Variants in PDXDC1 observed in about 807,000 individuals in gnomAD.
The protein encoded by PDXDC1 is pyridoxal dependent decarboxylase domain containing 1.
PDXDC1 carries 42 observed loss-of-function variants against 100.1 expected under a neutral mutation model. That is an observed-to-expected ratio of 0.42 (90% confidence interval 0.33 to 0.54). The LOEUF is 0.54. PDXDC1 is among the 20% of genes least tolerant of loss of function. PDXDC1 has a pLI of 0.10. For missense variants in PDXDC1, 636 were observed against 979.2 expected, an observed-to-expected ratio of 0.65 and a Z score of 4.68; for synonymous variants, 260 against 371.7, an observed-to-expected ratio of 0.70 and a Z score of 3.46.
intron 1 of PDXDC1, among the ~76,000 whole-genome samples, chr16:14,985,092 T>C (rs1439547829): frequency 3.3e-5 from 5 of 152,178 alleles, no homozygotes; most frequent in Admixed American, 2.6e-4. Flanking sequence ...TTGGCCAGGC[T>C]GGTCTCGAAC....
In PDXDC1 at chr16:15,111,174, G is replaced by A. The variant is rs145448693; in HGVS notation, c.1400-27705G>A. 6.9e-3 allele frequency among the ~76,000 whole-genome samples: 1,031 copies of A among 148,734 alleles called. 56 individuals carry two copies. Among genetic ancestry groups the A allele is most frequent in the Middle Eastern group, 7.0e-3 (2 of 286 alleles). On this transcript the variant is annotated intron_variant, in intron 16 of 16. Transcript: ENST00000535621. ...CACACACAAAACACACAAGAATGACGAGGCTGGCATGTTGGCTCACTCCCG... is the reference window on the plus strand; with the variant it reads ...CACACACAAAACACACAAGAATGACAAGGCTGGCATGTTGGCTCACTCCCG...
intron 16 of PDXDC1, among the ~76,000 whole-genome samples, chr16:15,122,860 G>GA: frequency 7.6e-6 from 1 of 132,168 alleles, no homozygotes; most frequent in Non-Finnish European, 1.6e-5. Context: ...AGGGGAAGGG[G>GA]GGAGTAAGGG....
intron 5 of PDXDC1, 126 bp downstream of exon 5, chr16:15,004,459 C>G: frequency 8.9e-7 from 1 of 1,122,856 alleles, no homozygotes; most frequent in African/African-American, 1.6e-5. Flanking sequence ...TTTAACCTCT[C>G]AATGCCTGTT....
At chr16:15,035,949 A>G in intron 22 of PDXDC1, 67 bp from the exon 23 acceptor site, 1 of 1,473,354 alleles carries the variant, frequency 6.8e-7, no homozygotes, top group Non-Finnish European at 9.2e-7. Context: ...TATCTGTTGC[A>G]GAGACAGCCT....
intron 16 of PDXDC1, among the ~76,000 whole-genome samples, chr16:15,066,928 T>A (rs1221762905): frequency 6.6e-6 from 1 of 151,978 alleles, no homozygotes; most frequent in African/African-American, 2.4e-5. Flanking sequence ...CGAGAGCCCC[T>A]GGACCAGATG....
In PDXDC1 at chr16:15,130,718, G is replaced by A. The variant is rs748782481; in HGVS notation, c.1400-8161G>A. 1.1e-5 allele frequency: 17 copies of A among 1,503,532 alleles called. No homozygotes were observed. The Admixed American group carries it at 2.0e-4, about 18-fold the overall frequency. The allele number at this position is 1,503,532 out of a possible 1,614,324, so 93.1% of individuals were successfully genotyped here. ...GGATCCTCCTGCTAGCCGAGCAGTT[G>A]TGCTCATTGGGCCGGGGCTCCGAGT... On this transcript the variant is annotated intron_variant, in intron 16 of 16. Coordinates refer to the PDXDC1 transcript ENST00000535621.
At chr16:15,033,545 C>G in intron 19 of PDXDC1, 146 bp downstream of exon 19, 7 of 943,466 alleles carry the variant, frequency 7.4e-6, no homozygotes, top group Non-Finnish European at 1.1e-5. Context: ...GGCCTTGTGC[C>G]AGGTGTCAGA....
At chr16:14,985,501 G>A (rs1263871687) in intron 1 of PDXDC1, among the ~76,000 whole-genome samples, 1 of 152,144 alleles carries the variant, frequency 6.6e-6, no homozygotes, top group Non-Finnish European at 1.5e-5. Flanking sequence ...TGTTAGCCAG[G>A]ATGGTCTCCA....
At chr16:15,083,026 C>A (rs2045768213) in intron 16 of PDXDC1, among the ~76,000 whole-genome samples, 1 of 152,170 alleles carries the variant, frequency 6.6e-6, no homozygotes, top group African/African-American at 2.4e-5. Flanking sequence ...TGGGAATCCC[C>A]AATAGCCGCT....
rs776175508 is a variant in PDXDC1, at chr16:15,037,993, C to CA, written c.*1719dup. ...CGTGCCAGCCCCACCAATGGTCTGTCAGGCCAAGAAGGTGCTTTCTTTGGT... is the reference window on the plus strand; with the variant it reads ...CGTGCCAGCCCCACCAATGGTCTGTCAAGGCCAAGAAGGTGCTTTCTTTGGT... On this transcript the variant is annotated 3_prime_UTR_variant, in exon 23 of 23. Coordinates refer to ENST00000396410, the MANE Select transcript of PDXDC1 (RefSeq NM_015027.4). 1 of 1,536,430 alleles carries CA rather than the reference C, an allele frequency of 6.5e-7. No homozygotes were observed. Among genetic ancestry groups the CA allele is most frequent in the African/African-American group, 1.4e-5 (1 of 73,110 alleles).
At chr16:15,141,050 GCCTCCA>G (rs2048466056), downstream of PDXDC1, among the ~76,000 whole-genome samples, 3 of 150,532 alleles carry the variant, frequency 2.0e-5, no homozygotes, top group Admixed American at 6.6e-5. Flanking sequence ...GCCCCTACCG[GCCTCCA>G]TCCCTGAGCA....
chr16:15,020,913 AG>A (rs1266719058), intron 12 of PDXDC1, among the ~76,000 whole-genome samples: 5 of 152,058 alleles, frequency 3.3e-5, no homozygotes, highest in Non-Finnish European at 5.9e-5. Context: ...TGAACTTGGG[AG>A]GCAGAGGTTG....
At chr16:15,009,798 T>C (rs1185052539) in intron 8 of PDXDC1, 39 bp downstream of exon 8, 10 of 1,613,368 alleles carry the variant, frequency 6.2e-6, no homozygotes, top group South Asian at 1.1e-5. Flanking sequence ...TTTGAATATA[T>C]AGGAGCGAGG....
intron 16 of PDXDC1, chr16:15,060,675 T>G (rs1796871457): frequency 6.6e-6 from 1 of 152,394 alleles, no homozygotes; most frequent in Admixed American, 6.5e-5. Flanking sequence ...ACTTCCTCTG[T>G]TTAGTTATAA....
At chr16:15,007,998 T>C (rs1158193837) in intron 6 of PDXDC1, among the ~76,000 whole-genome samples, 1 of 152,294 alleles carries the variant, frequency 6.6e-6, no homozygotes, top group Non-Finnish European at 1.5e-5. Context: ...AGGTTATGTA[T>C]TAAACTGTTA....
At chr16:15,021,285 G>C (rs5027541) in intron 12 of PDXDC1, among the ~76,000 whole-genome samples, 16,303 of 151,712 alleles carry the variant, frequency 0.11, 880 homozygotes, top group East Asian at 0.19. Flanking sequence ...GCTGAGGTGG[G>C]AAGATCACTT....
At chr16:15,030,543 T>C (rs1166977449) in intron 16 of PDXDC1, among the ~76,000 whole-genome samples, 1 of 13,246 alleles carries the variant, frequency 7.5e-5, no homozygotes, top group Non-Finnish European at 3.2e-4. Flanking sequence ...AGACTCCATC[T>C]CAAAAAAAAA....
intron 16 of PDXDC1, chr16:15,044,625 G>C: frequency 1.7e-6 from 1 of 584,934 alleles, no homozygotes; most frequent in Non-Finnish European, 3.0e-6. Flanking sequence ...TGACTGAGGG[G>C]ATCCGTATCT....
intron 19 of PDXDC1, 193 bp from the exon 20 acceptor site, chr16:15,034,093 A>T: frequency 1.7e-6 from 1 of 595,768 alleles, no homozygotes. Context: ...CTGGTCACCA[A>T]GGTGTGTCTG....
Sources: allele counts gnomAD v4.1 joint callset (sites outside exome capture counted in the v4.1 genomes callset), GRCh38; gene constraint gnomAD v4.1.1; transcripts MANE v1.5; gene names NCBI Gene and HGNC (gene_info 2026-07-23, HGNC 2026-07-21).